Variants in TGIF1 observed in about 807,000 individuals in gnomAD.
TGIF1 encodes the protein homeobox protein TGIF1.
Under a neutral mutation model 19.3 loss-of-function variants are expected in TGIF1, and 4 were observed. That is an observed-to-expected ratio of 0.21 (90% CI 0.10 to 0.47). TGIF1 has a LOEUF of 0.47. Among genes scored for constraint, TGIF1 ranks in the 20% least tolerant of loss-of-function variants. The probability of loss-of-function intolerance (pLI) is 0.98; values close to 1 mark genes in which losing one functional copy is unlikely to be tolerated. For missense variants in TGIF1, 275 were observed against 341.4 expected (o/e 0.81, Z 1.53); for synonymous variants, 122 against 129.3 (o/e 0.94, Z 0.38).
upstream of TGIF1, among the ~76,000 whole-genome samples, chr18:3,445,232 C>A (rs2143254408): frequency 6.6e-6 from 1 of 152,172 alleles, no homozygotes; most frequent in South Asian, 2.1e-4. Flanking sequence ...TGAGAAACTG[C>A]CAGAGGATCA....
rs2049423666 is a variant in TGIF1, at chr18:3,458,127, T to A, written c.*187T>A. The A allele has an allele frequency of 3.4e-6, 2 of 593,878 alleles. No individual in the cohort carries two copies. The highest frequency in any genetic ancestry group is 5.8e-6 in the Non-Finnish European group (2 of 342,742). The allele number at this position is 593,878 out of a possible 1,614,324, so 36.8% of individuals were successfully genotyped here. ...AAGAACTATAAACTTAAAGCTACTG[T>A]AGAAACAAAGGGTTTTCTTTTTTAA... On this transcript the variant is annotated 3_prime_UTR_variant, in exon 3 of 3. Coordinates refer to ENST00000343820, the MANE Select transcript of TGIF1 (RefSeq NM_003244.4).
upstream of TGIF1, chr18:3,448,724 T>G (rs1293436426): frequency 2.8e-5 from 18 of 633,578 alleles, no homozygotes; most frequent in South Asian, 1.3e-3. Context: ...TGTCTTTTTT[T>G]TTTTTTTTTT....
At chr18:3,438,596 A>ACACACACACACACACACAC (rs1555647866) in intron 2 of TGIF1, among the ~76,000 whole-genome samples, 7 of 136,002 alleles carry the variant, frequency 5.1e-5, no homozygotes, top group Non-Finnish European at 6.2e-5. Context: ...CATACACACA[A>ACACACACACACACACACAC]ACACACACAC....
chr18:3,431,727 A>G (rs57540149), intron 2 of TGIF1, among the ~76,000 whole-genome samples: 5,231 of 152,238 alleles, frequency 0.034, 230 homozygotes, highest in African/African-American at 0.089. Flanking sequence ...ATTATTTCAG[A>G]TGGAGAGGCC....
At position 3,457,275 on chromosome 18, in the gene TGIF1, C is replaced by T. The variant is rs1193710524; in HGVS notation, c.244-90C>T. 4 of 1,320,676 alleles carry T rather than the reference C, an allele frequency of 3.0e-6. No individual in the cohort carries two copies. In the African/African-American group the frequency reaches 5.8e-5, roughly 19 times the overall value. The allele number at this position is 1,320,676 out of a possible 1,614,324, so 81.8% of individuals were successfully genotyped here. ...TTCATGCTTTCTTTAATTCAGAGAGCAAGATCAATTAGGTACCCCATAGAA... is the reference window on the plus strand; with the variant it reads ...TTCATGCTTTCTTTAATTCAGAGAGTAAGATCAATTAGGTACCCCATAGAA... On this transcript the variant is annotated intron_variant, in intron 2 of 2. Coordinates refer to ENST00000343820, the MANE Select transcript of TGIF1 (RefSeq NM_003244.4). The surrounding 1 kb of genome is among the most constrained non-coding windows in gnomAD (Gnocchi z 4.9).
upstream of TGIF1, chr18:3,448,715 G>GTTTTTTTT (rs2082800740): frequency 7.0e-6 from 3 of 429,364 alleles, no homozygotes; most frequent in African/African-American, 1.3e-4. Context: ...GGGCGGGGGT[G>GTTTTTTTT]TCTTTTTTTT....
At chr18:3,427,448 C>T (rs1311968118) in intron 2 of TGIF1, among the ~76,000 whole-genome samples, 3 of 151,580 alleles carry the variant, frequency 2.0e-5, no homozygotes, top group Non-Finnish European at 4.4e-5. Context: ...TGCGCCACCA[C>T]ACGTGGCTAA....
chr18:3,456,016 A>T lies in TGIF1; in HGVS notation c.17-338A>T. On this transcript the variant is annotated intron_variant, in intron 1 of 2. Coordinates refer to ENST00000343820, the MANE Select transcript of TGIF1 (RefSeq NM_003244.4). This position sits in a 1 kb window ranked among gnomAD's most constrained non-coding sequence, Gnocchi z 4.2. ...CTGCCACAGCACCCTTCCTGTTTCA[A>T]ATGTGGCAGGTTATTCATTTTGGGT... 1 of 380,248 alleles carries T rather than the reference A, an allele frequency of 2.6e-6. No homozygotes were observed. The allele number at this position is 380,248 out of a possible 1,614,324, so 23.6% of individuals were successfully genotyped here. A position where few individuals can be genotyped will look rare whatever the true frequency, so the allele number is the denominator to read the frequency against.
At chr18:3,429,131 A>T (rs1223343563) in intron 2 of TGIF1, among the ~76,000 whole-genome samples, 1 of 152,154 alleles carries the variant, frequency 6.6e-6, no homozygotes, top group Non-Finnish European at 1.5e-5. Context: ...ATTATAGCTC[A>T]CTGCAGCCTC....
chr18:3,422,679 T>TGTTTTTTGTTTTG (rs71366657), intron 2 of TGIF1, among the ~76,000 whole-genome samples: 2 of 106,880 alleles, frequency 1.9e-5, no homozygotes, highest in African/African-American at 6.8e-5. Context: ...TGGCCTTTTT[T>TGTTTTTTGTTTTG]TTTTTTTTTT....
chr18:3,436,196 T>A (rs969042376), intron 2 of TGIF1, among the ~76,000 whole-genome samples: 1 of 152,212 alleles, frequency 6.6e-6, no homozygotes, highest in Non-Finnish European at 1.5e-5. Flanking sequence ...AGTGAGAATA[T>A]CACTATTTCA....
chr18:3,418,461 A>T (rs2082360156), intron 2 of TGIF1: 1 of 152,256 alleles, frequency 6.6e-6, no homozygotes, highest in African/African-American at 2.4e-5. Context: ...TAGTATTTGC[A>T]TATAACCTGT....
Position 3,457,727 on chromosome 18 carries a change from G to A in TGIF1, c.606G>A (p.Gln202=). 4 of 1,614,178 alleles carry A rather than the reference G, an allele frequency of 2.5e-6. No individual in the cohort carries two copies. The highest frequency in any genetic ancestry group is 3.4e-6 in the Non-Finnish European group (4 of 1,180,042). The part of the protein sequence containing the change: ...VGVGQNTDIQ[Q]IAAKNFTDTS... ...TGGGACAAAACACAGATATACAGCA[G>A]ATAGCGGCCAAAAACTTCACAGACA... is the stretch of plus-strand genomic sequence containing the variant. Residue 202 remains glutamine (Q), a synonymous_variant, in exon 3 of 3, where the codon CAG becomes CAA. Coordinates refer to ENST00000343820, the MANE Select transcript of TGIF1 (RefSeq NM_003244.4). This position sits in a 1 kb window ranked among gnomAD's most constrained non-coding sequence, Gnocchi z 4.9.
intron 2 of TGIF1, among the ~76,000 whole-genome samples, chr18:3,433,886 G>A (rs566958371): frequency 9.2e-5 from 14 of 152,276 alleles, no homozygotes; most frequent in African/African-American, 3.1e-4. Context: ...TATATTTTAC[G>A]TTGTGTAGTA....
upstream of TGIF1, chr18:3,447,929 G>A: frequency 6.9e-7 from 1 of 1,453,002 alleles, no homozygotes; most frequent in Non-Finnish European, 9.5e-7. Flanking sequence ...TTCCCATCTC[G>A]GTTGCCTGAG....
At chr18:3,450,747 C>T (rs998892699) in intron 1 of TGIF1, among the ~76,000 whole-genome samples, 1 of 152,228 alleles carries the variant, frequency 6.6e-6, no homozygotes, top group South Asian at 2.1e-4. Flanking sequence ...TGTCAAGAAA[C>T]ACGCTCAGCG....
Position 3,457,832 on chromosome 18 carries a change from C to G in TGIF1, c.711C>G (p.Pro237=). The G allele has an allele frequency of 6.2e-7, 1 of 1,611,822 alleles. No homozygotes were observed. Among genetic ancestry groups the G allele is most frequent in the Non-Finnish European group, 8.5e-7 (1 of 1,179,998 alleles). Reference sequence around the variant, plus strand: ...AGAGTGGTCTTTTCAACACTCCTCCCCCTACTCCACCGGACCTCAACCAGG... The same window carrying G: ...AGAGTGGTCTTTTCAACACTCCTCCGCCTACTCCACCGGACCTCAACCAGG... ...NTQSGLFNTP[P]PTPPDLNQDF... is the part of the protein sequence containing the mutation. Residue 237 remains proline, a synonymous_variant, in exon 3 of 3, where the codon CCC becomes CCG. Coordinates refer to ENST00000343820, the MANE Select transcript of TGIF1 (RefSeq NM_003244.4). The surrounding 1 kb of genome is among the most constrained non-coding windows in gnomAD (Gnocchi z 4.9).
chr18:3,456,325 A>T lies in TGIF1; in HGVS notation c.17-29A>T. On this transcript the variant is annotated intron_variant, in intron 1 of 2. Transcript: ENST00000343820. This position sits in a 1 kb window ranked among gnomAD's most constrained non-coding sequence, Gnocchi z 4.2. ...CAATAGTTGCTGTGCTTATAAAGCAACTGACAACTGGCCCTTGTCCTTTCC... is the reference window on the plus strand; with the variant it reads ...CAATAGTTGCTGTGCTTATAAAGCATCTGACAACTGGCCCTTGTCCTTTCC... The T allele has an allele frequency of 6.2e-7, 1 of 1,603,736 alleles. No individual in the cohort carries two copies. Among genetic ancestry groups the T allele is most frequent in the South Asian group, 1.1e-5 (1 of 90,838 alleles).
At chr18:3,440,702 C>T (rs551255725) in intron 2 of TGIF1, among the ~76,000 whole-genome samples, 22 of 152,238 alleles carry the variant, frequency 1.4e-4, no homozygotes, top group African/African-American at 2.2e-4. Flanking sequence ...CAAATGAGAA[C>T]GAAACGTAAA....
Sources: gnomAD v4.1 joint callset for allele counts (sites outside exome capture counted in the v4.1 genomes callset) on GRCh38, gnomAD v4.1.1 for gene constraint, Gnocchi (gnomAD v3.1) non-coding constraint, MANE v1.5 for transcripts, NCBI Gene and HGNC (gene_info 2026-07-23, HGNC 2026-07-21) for gene names.